The following TMEM164 variants were observed in gnomAD, a reference collection of about 807,000 sequenced individuals.
TMEM164 encodes the protein RP13-360B22.2.
Under a neutral mutation model 18.8 loss-of-function variants are expected in TMEM164, and 4 were observed. That is an observed-to-expected ratio of 0.21 (90% CI 0.10 to 0.49). The LOEUF (loss-of-function observed/expected upper bound fraction) is 0.49. Among genes scored for constraint, TMEM164 ranks in the 20% least tolerant of loss-of-function variants. The pLI is 0.98. For synonymous variants in TMEM164, 86 were observed against 101.7 expected (o/e 0.85, Z 0.93); for missense variants, 108 against 239.9 (o/e 0.45, Z 3.63).
At chrX:110,160,439 T>A (rs938902117) in intron 5 of TMEM164, among the ~76,000 whole-genome samples, 6 of 112,666 alleles carry the variant, frequency 5.3e-5, no homozygotes, top group African/African-American at 1.9e-4. Flanking sequence ...CTAGATCTTG[T>A]GATTAAATGT....
intron 3 of TMEM164, among the ~76,000 whole-genome samples, chrX:110,103,123 A>G (rs1227527859): frequency 3.6e-5 from 4 of 112,642 alleles, no homozygotes; most frequent in Non-Finnish European, 5.6e-5. Context: ...AAAAAAGCTT[A>G]TAGGAAATAT....
Position 110,067,436 on chromosome X carries a change from T to C in TMEM164, c.440+40T>C, listed in dbSNP as rs141298607. On this transcript the variant is annotated intron_variant, in intron 3 of 6. Transcript: ENST00000372068. ...GCTTTTGCTCTGTTGCTCTTCAGAG[T>C]ATTTTTGTCTGTTTGCTAACAAGAC... 2,533 of 1,147,182 alleles carry C rather than the reference T, an allele frequency of 2.2e-3. 33 individuals are homozygous for C. The African/African-American group carries it at 0.036, about 16-fold the overall frequency. The allele number at this position is 1,147,182 out of a possible 1,213,427, so 94.5% of individuals were successfully genotyped here. A position where few individuals can be genotyped will look rare whatever the true frequency, so the allele number is the denominator to read the frequency against.
chrX:110,156,188 T>C (rs945770174), intron 5 of TMEM164, among the ~76,000 whole-genome samples: 2 of 112,098 alleles, frequency 1.8e-5, no homozygotes, highest in African/African-American at 6.5e-5. Context: ...GTGTGTTCCT[T>C]TGCAAGTTAG....
At chrX:110,104,580 G>A (rs2066158260) in intron 3 of TMEM164, among the ~76,000 whole-genome samples, 1 of 111,964 alleles carries the variant, frequency 8.9e-6, no homozygotes, top group Non-Finnish European at 1.9e-5. Context: ...GACTGCAGCT[G>A]CAGTTACCCA....
chrX:110,135,471 G>A (rs1239922893), intron 4 of TMEM164, among the ~76,000 whole-genome samples: 1 of 111,489 alleles, frequency 9.0e-6, no homozygotes, highest in African/African-American at 3.3e-5. Flanking sequence ...TTTTGTGCAT[G>A]TGGGCAAGTA....
intron 2 of TMEM164, among the ~76,000 whole-genome samples, chrX:110,029,090 G>C (rs1934336198): frequency 9.0e-6 from 1 of 111,052 alleles, no homozygotes; most frequent in South Asian, 3.8e-4. Context: ...CCTCTGGGTG[G>C]GCTGGGTAAA....
intron 2 of TMEM164, among the ~76,000 whole-genome samples, chrX:110,053,216 CT>C (rs1379081030): frequency 9.0e-6 from 1 of 111,694 alleles, no homozygotes; most frequent in Non-Finnish European, 1.9e-5. Context: ...CAAAATTTTC[CT>C]TTGATAAAAT....
At chrX:110,016,617 C>T (rs962167857) in intron 2 of TMEM164, among the ~76,000 whole-genome samples, 1 of 111,348 alleles carries the variant, frequency 9.0e-6, no homozygotes, top group Non-Finnish European at 1.9e-5. Context: ...TGTGTATTAC[C>T]TCATTTGCAG....
rs2067286589 is a variant in TMEM164 at position 110,176,105 on chromosome X, G to A, written c.*2654G>A. ...CCGTGTGCCATTTGCCAGCGTGTGGGAGCTCTGCGCGTGTGTGAGGGTGTT... is the reference window on the plus strand; with the variant it reads ...CCGTGTGCCATTTGCCAGCGTGTGGAAGCTCTGCGCGTGTGTGAGGGTGTT... On this transcript the variant is annotated 3_prime_UTR_variant, in exon 7 of 7. Transcript: ENST00000372068. The A allele has an allele frequency of 1.5e-5, 11 of 755,224 alleles. No individual in the cohort carries two copies. Among genetic ancestry groups the A allele is most frequent in the Non-Finnish European group, 1.4e-5 (9 of 639,501 alleles). 62.2% of individuals were successfully genotyped at this position (755,224 alleles called of 1,213,427 possible).
intron 3 of TMEM164, among the ~76,000 whole-genome samples, chrX:110,092,017 G>T (rs914704718): frequency 2.4e-4 from 27 of 111,809 alleles, no homozygotes; most frequent in Admixed American, 9.5e-5. Flanking sequence ...TCAGATGGTT[G>T]TAGATGTGTG....
chrX:110,179,047 C>T (rs760270796), downstream of TMEM164, among the ~76,000 whole-genome samples: 240 of 110,897 alleles, frequency 2.2e-3, 3 homozygotes, highest in African/African-American at 7.6e-3. Flanking sequence ...AGGGGAGGCC[C>T]ACGAGTGTAG....
chrX:110,025,915 A>C (rs1206464017), intron 2 of TMEM164, among the ~76,000 whole-genome samples: 1 of 112,351 alleles, frequency 8.9e-6, no homozygotes. Context: ...AATTTCTATT[A>C]CTCATGAGCT....
chrX:110,041,414 C>A (rs755894974), intron 2 of TMEM164, among the ~76,000 whole-genome samples: 1 of 111,456 alleles, frequency 9.0e-6, no homozygotes, highest in Non-Finnish European at 1.9e-5. Context: ...AAGGGTTCAC[C>A]GGAGATAGAT....
At chrX:110,020,730 A>G in intron 2 of TMEM164, 1 of 731,287 alleles carries the variant, frequency 1.4e-6, no homozygotes, top group Non-Finnish European at 1.6e-6. Flanking sequence ...TAAAATATTT[A>G]CTCTACAAAT....
At chrX:110,132,845 AC>A (rs2066631607) in intron 4 of TMEM164, among the ~76,000 whole-genome samples, 1 of 112,353 alleles carries the variant, frequency 8.9e-6, no homozygotes, top group Non-Finnish European at 1.9e-5. Context: ...CATAGGAGCT[AC>A]CACATAAGGG....
rs1016982185 is a variant in TMEM164, at chrX:110,003,604, C to T, written c.-171C>T. On this transcript the variant is annotated 5_prime_UTR_variant, in exon 2 of 7. Transcript: ENST00000372068. ...GGGACAAGTTAGAGCCAGCACTTTA[C>T]CCCGGGCCTTGCGTGTAGCTTCCCC... The T allele has an allele frequency of 5.5e-6, 3 of 543,348 alleles. No homozygotes were observed. The highest frequency in any genetic ancestry group is 5.8e-6 in the Non-Finnish European group (2 of 347,811). The allele number at this position is 543,348 out of a possible 1,213,427, so 44.8% of individuals were successfully genotyped here. A position where few individuals can be genotyped will look rare whatever the true frequency, so the allele number is the denominator to read the frequency against.
intron 2 of TMEM164, among the ~76,000 whole-genome samples, chrX:110,048,794 T>C (rs1224486705): frequency 2.7e-5 from 3 of 111,371 alleles, no homozygotes; most frequent in Non-Finnish European, 5.7e-5. Context: ...GAACATACCT[T>C]CTGTAATTTA....
intron 4 of TMEM164, among the ~76,000 whole-genome samples, chrX:110,132,338 T>C (rs980004351): frequency 9.0e-6 from 1 of 111,664 alleles, no homozygotes; most frequent in Non-Finnish European, 1.9e-5. Flanking sequence ...ATTAGCCACA[T>C]TGATGAGAAC....
intron 4 of TMEM164, among the ~76,000 whole-genome samples, chrX:110,129,497 T>C (rs56803040): frequency 0.016 from 1,768 of 112,908 alleles, 33 homozygotes; most frequent in African/African-American, 0.054. Context: ...ATCCCACTTA[T>C]GTCTCTGGGT....
Sources: gnomAD v4.1 joint callset for allele counts (sites outside exome capture counted in the v4.1 genomes callset) on GRCh38, gnomAD v4.1.1 for gene constraint, MANE v1.5 for transcripts, NCBI Gene and HGNC (gene_info 2026-07-23, HGNC 2026-07-21) for gene names.